Variants in PALLD observed in about 807,000 individuals in gnomAD.
PALLD encodes the protein palladin.
Under a neutral mutation model 123.5 loss-of-function variants are expected in PALLD, and 61 were observed. That is an observed-to-expected ratio of 0.49 (90% CI 0.40 to 0.61). PALLD has a LOEUF of 0.61. PALLD is among the 20% of genes least tolerant of loss of function. The pLI, the probability that PALLD is intolerant of heterozygous loss-of-function variation, is 0.00. For synonymous variants in PALLD, 465 were observed against 496.4 expected (o/e 0.94, Z 0.84); for missense variants, 1,273 against 1,377.0 (o/e 0.92, Z 1.20).
chr4:168,620,253 G>C (rs1280830329), intron 2 of PALLD, among the ~76,000 whole-genome samples: 1 of 152,132 alleles, frequency 6.6e-6, no homozygotes, highest in African/African-American at 2.4e-5. Flanking sequence ...TCAGGAGTTC[G>C]AGACCAGCCT....
intron 11 of PALLD, among the ~76,000 whole-genome samples, chr4:168,893,889 G>A (rs1754569646): frequency 6.6e-6 from 1 of 152,208 alleles, no homozygotes; most frequent in Admixed American, 6.5e-5. Flanking sequence ...AATTGAGGCT[G>A]TTAGCTTTGG....
At chr4:168,699,029 C>T (rs1412132658) in intron 8 of PALLD, among the ~76,000 whole-genome samples, 1 of 152,000 alleles carries the variant, frequency 6.6e-6, no homozygotes, top group African/African-American at 2.4e-5. Context: ...TTTAAATATC[C>T]TTCTTTATAT....
chr4:168,593,572 C>G (rs1771674030), intron 2 of PALLD, among the ~76,000 whole-genome samples: 1 of 152,140 alleles, frequency 6.6e-6, no homozygotes, highest in Non-Finnish European at 1.5e-5. Flanking sequence ...TCATCTAGCC[C>G]AGAAACTGGA....
At chr4:168,860,475 T>C (rs949179961) in intron 10 of PALLD, among the ~76,000 whole-genome samples, 2 of 152,314 alleles carry the variant, frequency 1.3e-5, no homozygotes, top group East Asian at 3.9e-4. Context: ...ACTCCAATAG[T>C]TGAGTGAGTC....
intron 2 of PALLD, among the ~76,000 whole-genome samples, chr4:168,638,079 TTTC>T (rs1245230179): frequency 6.6e-6 from 1 of 152,118 alleles, no homozygotes; most frequent in Non-Finnish European, 1.5e-5. Context: ...GTCACAGATG[TTTC>T]TTTTTATTCT....
chr4:168,571,239 T>C (rs2149608901), intron 2 of PALLD, among the ~76,000 whole-genome samples: 1 of 152,310 alleles, frequency 6.6e-6, no homozygotes, highest in African/African-American at 2.4e-5. Context: ...CTGCACCACA[T>C]GCTCTAAAAC....
chr4:168,593,869 C>T (rs2149698826), intron 2 of PALLD, among the ~76,000 whole-genome samples: 1 of 152,236 alleles, frequency 6.6e-6, no homozygotes, highest in East Asian at 1.9e-4. Context: ...CATTGCAATT[C>T]TAATGATTAA....
intron 2 of PALLD, among the ~76,000 whole-genome samples, chr4:168,597,881 C>T (rs1427546042): frequency 1.3e-5 from 2 of 152,022 alleles, no homozygotes; most frequent in Non-Finnish European, 2.9e-5. Flanking sequence ...AGTTGATGTG[C>T]TTGTCACAGT....
At chr4:168,758,776 C>G (rs1231306337) in intron 10 of PALLD, among the ~76,000 whole-genome samples, 1 of 152,052 alleles carries the variant, frequency 6.6e-6, no homozygotes, top group East Asian at 1.9e-4. Context: ...ACATCCCCCA[C>G]TTGTGCATAG....
chr4:168,661,351 A>G (rs1779117867), intron 2 of PALLD, among the ~76,000 whole-genome samples: 1 of 152,204 alleles, frequency 6.6e-6, no homozygotes, highest in South Asian at 2.1e-4. Flanking sequence ...CTTAGCTGAC[A>G]TCTATGCTTC....
intron 10 of PALLD, among the ~76,000 whole-genome samples, chr4:168,847,268 T>C (rs1410057452): frequency 6.6e-6 from 1 of 152,236 alleles, no homozygotes; most frequent in East Asian, 1.9e-4. Context: ...TACAGGCAGC[T>C]TTATTGCTAC....
At chr4:168,497,864 T>C (rs1760915903) in intron 1 of PALLD, among the ~76,000 whole-genome samples, 1 of 152,244 alleles carries the variant, frequency 6.6e-6, no homozygotes, top group Non-Finnish European at 1.5e-5. Context: ...AAGTTGCACA[T>C]GAAATTGTCT....
At chr4:168,774,071 T>C (rs747129844) in intron 10 of PALLD, among the ~76,000 whole-genome samples, 1 of 131,442 alleles carries the variant, frequency 7.6e-6, no homozygotes, top group Non-Finnish European at 1.6e-5. Context: ...TTCTCTCTCT[T>C]TTTTTTTTTT....
At chr4:168,596,315 G>A (rs964587822) in intron 2 of PALLD, among the ~76,000 whole-genome samples, 2 of 152,086 alleles carry the variant, frequency 1.3e-5, no homozygotes, top group Non-Finnish European at 2.9e-5. Context: ...ACTTCAGTAA[G>A]GGTGTGATTA....
At chr4:168,500,336 G>T (rs1761268209) in intron 1 of PALLD, among the ~76,000 whole-genome samples, 2 of 152,118 alleles carry the variant, frequency 1.3e-5, no homozygotes, top group South Asian at 2.1e-4. Flanking sequence ...GATTCATGGG[G>T]ATCATGCCAG....
At chr4:168,818,860 T>A (rs1581630011) in intron 10 of PALLD, among the ~76,000 whole-genome samples, 1 of 152,344 alleles carries the variant, frequency 6.6e-6, no homozygotes, top group East Asian at 1.9e-4. Flanking sequence ...GATACAATAA[T>A]GACGAAAAGT....
chr4:168,844,803 A>T lies in PALLD; in HGVS notation c.1965-46119A>T, dbSNP rs1245171632. 6.6e-6 allele frequency: 1 copy of T among 152,236 alleles called. No homozygotes were observed. The highest frequency in any genetic ancestry group is 1.5e-5 in the Non-Finnish European group (1 of 68,048). 9.4% of individuals were successfully genotyped at this position (152,236 alleles called of 1,614,324 possible). A position where few individuals can be genotyped will look rare whatever the true frequency, so the allele number is the denominator to read the frequency against. ...CAGACACATCCAGTATCATTTATTC[A>T]GCAAACATGTACTGAGTTTGTTTTG... On this transcript the variant is annotated intron_variant, in intron 10 of 21. Transcript: ENST00000505667. This position sits in a 1 kb window ranked among gnomAD's most constrained non-coding sequence, Gnocchi z 4.5.
intron 15 of PALLD, 55 bp from the exon 16 acceptor site, chr4:168,913,872 C>T (rs1024379989): frequency 8.8e-7 from 1 of 1,137,342 alleles, no homozygotes; most frequent in African/African-American, 1.5e-5. Flanking sequence ...CATGATAGTG[C>T]TTAGTGGTTA....
At chr4:168,676,733 C>T (rs1451776918) in intron 3 of PALLD, among the ~76,000 whole-genome samples, 1 of 145,604 alleles carries the variant, frequency 6.9e-6, no homozygotes, top group Non-Finnish European at 1.5e-5. Flanking sequence ...CTACCATGCC[C>T]ATCTAATTTT....
Sources: gnomAD v4.1 joint callset for allele counts (sites outside exome capture counted in the v4.1 genomes callset) on GRCh38, gnomAD v4.1.1 for gene constraint, Gnocchi (gnomAD v3.1) non-coding constraint, MANE v1.5 for transcripts, NCBI Gene and HGNC (gene_info 2026-07-23, HGNC 2026-07-21) for gene names.